GALNT13: variants seen among roughly 807,000 people sequenced by gnomAD.
GALNT13 encodes UDP-GalNAc:polypeptide N-acetylgalactosaminyltransferase 13.
Under a neutral mutation model 64.2 loss-of-function variants are expected in GALNT13, and 28 were observed. The ratio of observed to expected loss-of-function variants is 0.44; its 90% CI spans 0.32 to 0.60. The LOEUF is 0.60. Ranked by LOEUF, GALNT13 falls within the 20% of genes least tolerant of loss-of-function variation. The pLI, the probability that GALNT13 is intolerant of heterozygous loss-of-function variation, is 0.05. For missense variants in GALNT13, 577 were observed against 669.8 expected (o/e 0.86, Z 1.53); for synonymous variants, 214 against 224.6 (o/e 0.95, Z 0.42).
intron 3 of GALNT13, among the ~76,000 whole-genome samples, chr2:154,025,941 G>A (rs1039856298): frequency 2.6e-5 from 4 of 152,024 alleles, no homozygotes; most frequent in African/African-American, 9.7e-5. Context: ...AAGGCAGGCA[G>A]GACTCAGATC....
At chr2:153,434,353 GA>G in the GALNT13 span, among the ~76,000 whole-genome samples, 2 of 152,168 alleles carry the variant, frequency 1.3e-5, no homozygotes, top group African/African-American at 4.8e-5. Flanking sequence ...CCAGTAATGG[GA>G]TGGCTGGGTC....
intron 8 of GALNT13, among the ~76,000 whole-genome samples, chr2:154,297,104 T>G (rs1238084889): frequency 1.3e-5 from 2 of 152,230 alleles, no homozygotes; most frequent in Non-Finnish European, 2.9e-5. Context: ...TAAGGTATGG[T>G]CTTAGAGGCC....
At chr2:153,436,309 C>A in the GALNT13 span, among the ~76,000 whole-genome samples, 16 of 152,110 alleles carry the variant, frequency 1.1e-4, no homozygotes, top group Admixed American at 9.2e-4. Flanking sequence ...TGTGTTTCTG[C>A]CAGACTTTGG....
chr2:153,333,825 A>C, the GALNT13 span, among the ~76,000 whole-genome samples: 14 of 152,212 alleles, frequency 9.2e-5, no homozygotes, highest in African/African-American at 2.7e-4. Context: ...TAACGCATTT[A>C]TTCTACTATG....
intron 4 of GALNT13, among the ~76,000 whole-genome samples, chr2:154,174,619 G>A (rs1373525700): frequency 1.3e-5 from 2 of 152,082 alleles, no homozygotes; most frequent in Non-Finnish European, 2.9e-5. Flanking sequence ...GTTTTGGAGT[G>A]TTTGAGTTTA....
At chr2:153,310,048 G>A in the GALNT13 span, among the ~76,000 whole-genome samples, 6 of 152,042 alleles carry the variant, frequency 3.9e-5, no homozygotes, top group African/African-American at 7.2e-5. Context: ...AATCTAATAC[G>A]TCCTCCTCTA....
chr2:153,108,380 A>AT, the GALNT13 span, among the ~76,000 whole-genome samples: 1 of 152,034 alleles, frequency 6.6e-6, no homozygotes, highest in African/African-American at 2.4e-5. Flanking sequence ...GGCAATCTGA[A>AT]TTTTTTGTGA....
intron 2 of GALNT13, among the ~76,000 whole-genome samples, chr2:153,941,936 A>G (rs770094068): frequency 6.6e-6 from 1 of 152,162 alleles, no homozygotes; most frequent in Non-Finnish European, 1.5e-5. Flanking sequence ...AGGCTATGAA[A>G]TTAGGATAAT....
intron 9 of GALNT13, among the ~76,000 whole-genome samples, chr2:154,379,331 C>T (rs1385677662): frequency 6.6e-6 from 1 of 151,888 alleles, no homozygotes; most frequent in African/African-American, 2.4e-5. Flanking sequence ...ACTAGATTTT[C>T]ATAAACCAGG....
intron 3 of GALNT13, among the ~76,000 whole-genome samples, chr2:153,993,695 C>A (rs1207530682): frequency 1.7e-3 from 177 of 105,078 alleles, no homozygotes; most frequent in Non-Finnish European, 1.8e-3. Flanking sequence ...GACTCCATCT[C>A]AAAAAAAAAA....
chr2:154,287,182 G>T, intron 8 of GALNT13: 1 of 1,484,976 alleles, frequency 6.7e-7, no homozygotes, highest in Non-Finnish European at 9.3e-7. Context: ...TGGCTCAGCA[G>T]GAAGCAGAGA....
chr2:153,378,047 G>A, the GALNT13 span, among the ~76,000 whole-genome samples: 2 of 152,008 alleles, frequency 1.3e-5, no homozygotes, highest in Admixed American at 1.3e-4. Context: ...AATGAAATTT[G>A]TATTATTCTT....
chr2:154,257,763 A>C (rs1472245384), intron 7 of GALNT13: 1 of 152,184 alleles, frequency 6.6e-6, no homozygotes, highest in Non-Finnish European at 1.5e-5. Context: ...GTGGTTTTTC[A>C]ATGAACAATT....
At chr2:154,174,316 A>T (rs191517028) in intron 4 of GALNT13, among the ~76,000 whole-genome samples, 1 of 152,210 alleles carries the variant, frequency 6.6e-6, no homozygotes, top group Admixed American at 6.5e-5. Flanking sequence ...TTACAGTTTA[A>T]GCTGGGGTGA....
At chr2:154,033,810 G>A (rs907527377) in intron 3 of GALNT13, among the ~76,000 whole-genome samples, 2 of 151,948 alleles carry the variant, frequency 1.3e-5, no homozygotes, top group Non-Finnish European at 2.9e-5. Context: ...ATGGTGGCAG[G>A]TGCCTGTAAT....
At chr2:153,760,474 C>T in the GALNT13 span, among the ~76,000 whole-genome samples, 1 of 151,758 alleles carries the variant, frequency 6.6e-6, no homozygotes, top group Non-Finnish European at 1.5e-5. Context: ...AAAAATGTCC[C>T]TTTTGATTTC....
At chr2:153,876,188 CA>C in intron 1 of GALNT13, among the ~76,000 whole-genome samples, 1 of 146,596 alleles carries the variant, frequency 6.8e-6, no homozygotes, top group South Asian at 2.2e-4. Flanking sequence ...TTTCTAACAG[CA>C]ACCCCCCCAC....
At chr2:153,334,614 G>A in the GALNT13 span, among the ~76,000 whole-genome samples, 1,523 of 151,954 alleles carry the variant, frequency 0.01, 24 homozygotes, top group African/African-American at 0.032. Context: ...GAACCAAACC[G>A]AAATTTTAGG....
intron 3 of GALNT13, among the ~76,000 whole-genome samples, chr2:154,036,294 A>T (rs1253920709): frequency 6.6e-6 from 1 of 152,110 alleles, no homozygotes; most frequent in Non-Finnish European, 1.5e-5. Context: ...ATCCCATGAT[A>T]TACCTGATAT....
Sources: gnomAD v4.1 joint callset for allele counts (sites outside exome capture counted in the v4.1 genomes callset) on GRCh38, gnomAD v4.1.1 for gene constraint, MANE v1.5 for transcripts, NCBI Gene and HGNC (gene_info 2026-07-23, HGNC 2026-07-21) for gene names.